Variants in PIK3C2B observed in about 807,000 individuals in gnomAD.
The protein encoded by PIK3C2B is phosphatidylinositol 4-phosphate 3-kinase C2 domain-containing subunit beta.
In PIK3C2B, 83 loss-of-function variants were observed where a neutral mutation model predicts 184.3. The ratio of observed to expected loss-of-function variants is 0.45; its 90% CI spans 0.38 to 0.54. The LOEUF (loss-of-function observed/expected upper bound fraction) is 0.54, where lower values mean the gene tolerates loss of function less well. Among genes scored for constraint, PIK3C2B ranks in the 20% least tolerant of loss-of-function variants. The pLI is 0.00. For synonymous variants in PIK3C2B, 779 were observed against 837.6 expected, an observed-to-expected ratio of 0.93 and a Z score of 1.21; for missense variants, 1,736 against 2,113.5, an observed-to-expected ratio of 0.82 and a Z score of 3.50.
chr1:204,442,986 T>C (rs1334568240), intron 19 of PIK3C2B, among the ~76,000 whole-genome samples: 2 of 152,210 alleles, frequency 1.3e-5, no homozygotes, highest in Non-Finnish European at 2.9e-5. Context: ...AATTTTTAAA[T>C]GTCGTTAACC....
At chr1:204,446,565 G>A (rs1269700378) in intron 15 of PIK3C2B, among the ~76,000 whole-genome samples, 2 of 152,194 alleles carry the variant, frequency 1.3e-5, no homozygotes, top group Admixed American at 1.3e-4. Flanking sequence ...AACCACCAGA[G>A]GGCAGTGGTC....
chr1:204,453,313 A>C (rs1389309276), intron 12 of PIK3C2B, among the ~76,000 whole-genome samples: 1 of 152,230 alleles, frequency 6.6e-6, no homozygotes, highest in Non-Finnish European at 1.5e-5. Context: ...CATTCAAGCA[A>C]GGCACCCTCT....
intron 9 of PIK3C2B, among the ~76,000 whole-genome samples, 168 bp from the exon 10 acceptor site, chr1:204,457,238 T>C (rs760368910): frequency 2.0e-5 from 3 of 152,280 alleles, no homozygotes; most frequent in Middle Eastern, 3.4e-3. Flanking sequence ...CAGATCTGTA[T>C]GATGGACAGA....
In PIK3C2B at chr1:204,446,091, G is replaced by A. The variant is rs368714819; in HGVS notation, c.2543C>T (p.Ser848Leu). The A allele has an allele frequency of 3.8e-5, 61 of 1,595,918 alleles. 1 individual carries two copies. Among genetic ancestry groups the A allele is most frequent in the South Asian group, 1.7e-4 (15 of 89,324 alleles). The change falls in exon 16 of 33, where the codon TCG (serine) becomes TTG (leucine). Residue 848 changes from serine to leucine, a missense_variant. By Grantham distance (145) the Ser-to-Leu change is moderately radical. Transcript: ENST00000684373. ...CACCAGGGGGAGCGAGCTCACCTCCGAGTGGCAGTAATATCGCTTCTCCCA... is the reference window on the plus strand; with the variant it reads ...CACCAGGGGGAGCGAGCTCACCTCCAAGTGGCAGTAATATCGCTTCTCCCA... Reference protein sequence around the residue: ...RLWEKRYYCHSEVSSLPLVLA... With the variant: ...RLWEKRYYCHLEVSSLPLVLA...
chr1:204,467,163 A>C (rs1655877686), intron 2 of PIK3C2B: 1 of 326,424 alleles, frequency 3.1e-6, no homozygotes, highest in African/African-American at 2.2e-5. Context: ...GGAGTAGGGG[A>C]GGCAGGAGAG....
Position 204,436,879 on chromosome 1 carries a change from T to C in PIK3C2B, c.3516+2056A>G, listed in dbSNP as rs1481675640. Among the ~76,000 whole-genome samples the C allele has an allele frequency of 3.9e-5, 6 of 152,170 alleles. No homozygotes were observed. In the South Asian group the frequency reaches 1.0e-3, roughly 26 times the overall value. The stretch of plus-strand genomic sequence containing the variant: ...AGGTTGGTAGTAGAAAGGAAAAAAA[T>C]CATTACTCCTCTCCAAGGGTAGAGG... On this transcript the variant is annotated intron_variant, in intron 23 of 32. Coordinates refer to ENST00000684373, the MANE Select transcript of PIK3C2B (RefSeq NM_001377334.1).
chr1:204,483,570 T>C (rs928172091), intron 1 of PIK3C2B, among the ~76,000 whole-genome samples: 6 of 152,208 alleles, frequency 3.9e-5, no homozygotes, highest in Admixed American at 1.3e-4. Context: ...CTGACCATTT[T>C]TGCATCTCTG....
intron 32 of PIK3C2B, 84 bp from the exon 33 acceptor site, chr1:204,425,124 G>T: frequency 1.8e-6 from 2 of 1,133,602 alleles, no homozygotes; most frequent in Non-Finnish European, 2.6e-6. Context: ...AGATGGTAAA[G>T]TCTGTTGGGG....
At chr1:204,451,103 G>A (rs933452919) in intron 12 of PIK3C2B, among the ~76,000 whole-genome samples, 1 of 152,230 alleles carries the variant, frequency 6.6e-6, no homozygotes, top group Non-Finnish European at 1.5e-5. Flanking sequence ...TACCCTGGGG[G>A]CCCACAGCTA....
chr1:204,427,829 C>T lies in PIK3C2B; in HGVS notation c.4481-75G>A, dbSNP rs564927466. 215 of 1,008,838 alleles carry T rather than the reference C, an allele frequency of 2.1e-4. No homozygotes were observed. In the African/African-American group the frequency reaches 3.1e-3, roughly 15 times the overall value. 62.5% of individuals were successfully genotyped at this position (1,008,838 alleles called of 1,614,324 possible). A position where few individuals can be genotyped will look rare whatever the true frequency, so the allele number is the denominator to read the frequency against. On this transcript the variant is annotated intron_variant, in intron 30 of 32. Coordinates refer to ENST00000684373, the MANE Select transcript of PIK3C2B (RefSeq NM_001377334.1). ...TCTGTTTTCTTCCTGAACCCCCTTG[C>T]CCCAGCCTCTCCATGTCAGATTTCT...
At chr1:204,463,075 G>A (rs1326941043) in intron 5 of PIK3C2B, among the ~76,000 whole-genome samples, 2 of 151,954 alleles carry the variant, frequency 1.3e-5, no homozygotes, top group Non-Finnish European at 2.9e-5. Flanking sequence ...AAAGAAAGAA[G>A]TCCAGAAATG....
chr1:204,442,591 C>A lies in PIK3C2B; in HGVS notation c.3091G>T (p.Ala1031Ser). The change falls in exon 20 of 33, where the codon GCC becomes TCC. Residue 1031 changes from alanine (A) to serine (S), a missense_variant. Physicochemically the swap from Ala to Ser is moderately conservative, Grantham distance 99 (BLOSUM62 1). Transcript: ENST00000684373. ...TGLEEVKQFF[A>S]LNGSCRLPLS... The stretch of plus-strand genomic sequence containing the variant: ...GGCAAGCGGCACGAGCCATTGAGGG[C>A]AAAGAACTGCTTCACCTCCTCCAGG... The A allele has an allele frequency of 6.4e-7, 1 of 1,556,344 alleles. No homozygotes were observed. The highest frequency in any genetic ancestry group is 8.7e-7 in the Non-Finnish European group (1 of 1,149,480).
intron 1 of PIK3C2B, among the ~76,000 whole-genome samples, chr1:204,479,959 A>T (rs929633591): frequency 1.6e-4 from 25 of 152,222 alleles, no homozygotes; most frequent in Non-Finnish European, 1.5e-5. Flanking sequence ...GGCTCATCAG[A>T]GAGAGGACAG....
chr1:204,434,997 G>A (rs529727466), intron 23 of PIK3C2B, among the ~76,000 whole-genome samples: 1 of 152,308 alleles, frequency 6.6e-6, no homozygotes. Flanking sequence ...CCAACTGGCC[G>A]TGATGATCTT....
chr1:204,465,924 C>A (rs1473025933), intron 2 of PIK3C2B, among the ~76,000 whole-genome samples: 1 of 152,232 alleles, frequency 6.6e-6, no homozygotes, highest in African/African-American at 2.4e-5. Context: ...AGGGGAGGAC[C>A]TGGTAGAAGC....
chr1:204,454,502 AGTC>A, intron 12 of PIK3C2B, 164 bp downstream of exon 12: 1 of 522,452 alleles, frequency 1.9e-6, no homozygotes, highest in Non-Finnish European at 3.3e-6. Context: ...AAAAAAAAAG[AGTC>A]AGGGAAGTGG....
chr1:204,469,060 A>T lies in PIK3C2B; in HGVS notation c.743T>A (p.Met248Lys). 6.2e-7 allele frequency: 1 copy of T among 1,614,164 alleles called. No individual in the cohort carries two copies. Residue 248 changes from methionine to lysine, a missense_variant, in exon 2 of 33, where the codon ATG (methionine) becomes AAG (lysine). Met to Lys is a moderately conservative substitution (Grantham distance 95). This residue lies in a region of PIK3C2B where 404 missense variants were observed against 418.0 expected (regional missense o/e 0.97). Coordinates refer to ENST00000684373, the MANE Select transcript of PIK3C2B (RefSeq NM_001377334.1). ...CCAGCCCCTGGTGGCATCCCGCAAC[A>T]TCTCCGCATCATAGGTCGATTTCAA... ...LNLKSTYDAEMLRDATRGWKE... is the reference protein window; with the variant it reads ...LNLKSTYDAEKLRDATRGWKE...
In PIK3C2B at chr1:204,447,320, T is replaced by TTCCG; in HGVS notation, c.2489+115_2489+116insCGGA. ...AGGCCTGGGGGCTGCCTCCACTTCC[T>TTCCG]GCTGAGATGGCAATGCCCACCCCTT... On this transcript the variant is annotated intron_variant, in intron 15 of 32. Coordinates refer to ENST00000684373, the MANE Select transcript of PIK3C2B (RefSeq NM_001377334.1). This position sits in a 1 kb window ranked among gnomAD's most constrained non-coding sequence, Gnocchi z 4.1. 3.0e-6 allele frequency: 3 copies of TTCCG among 994,002 alleles called. No homozygotes were observed. The highest frequency in any genetic ancestry group is 4.5e-6 in the Non-Finnish European group (3 of 664,648). 61.6% of individuals were successfully genotyped at this position (994,002 alleles called of 1,614,324 possible). A position where few individuals can be genotyped will look rare whatever the true frequency, so the allele number is the denominator to read the frequency against.
At position 204,440,030 on chromosome 1, in the gene PIK3C2B, C is replaced by T. The variant is rs577945708; in HGVS notation, c.3379+162G>A. On this transcript the variant is annotated intron_variant, in intron 22 of 32. Coordinates refer to ENST00000684373, the MANE Select transcript of PIK3C2B (RefSeq NM_001377334.1). ...CAAGTCTGTTTTACTTTATAACAGT[C>T]TTCTCCCATGCCTCCCTTTTAAGGC... 3.3e-3 allele frequency among the ~76,000 whole-genome samples: 62 copies of T among 19,046 alleles called. 1 individual carries two copies. The South Asian group carries it at 0.46, about 141-fold the overall frequency. 12.5% of individuals were successfully genotyped at this position (19,046 alleles called of 152,430 possible).
Sources: gnomAD v4.1 joint callset for allele counts (sites outside exome capture counted in the v4.1 genomes callset) on GRCh38, gnomAD v4.1.1 for gene constraint, gnomAD v4.1.1 regional missense constraint, Gnocchi (gnomAD v3.1) non-coding constraint, MANE v1.5 for transcripts, NCBI Gene and HGNC (gene_info 2026-07-23, HGNC 2026-07-21) for gene names.